PALLD: variants seen among roughly 807,000 people sequenced by gnomAD.
PALLD encodes the protein palladin, cytoskeletal associated protein.
Under a neutral mutation model 123.5 loss-of-function variants are expected in PALLD, and 61 were observed. That is an observed-to-expected ratio of 0.49 (90% CI 0.40 to 0.61). The LOEUF is 0.61. Among genes scored for constraint, PALLD ranks in the 20% least tolerant of loss-of-function variants. The pLI is 0.00. For synonymous variants in PALLD, 465 were observed against 496.4 expected (o/e 0.94, Z 0.84); for missense variants, 1,273 against 1,377.0 (o/e 0.92, Z 1.20).
intron 10 of PALLD, among the ~76,000 whole-genome samples, chr4:168,817,165 T>C (rs1742088144): frequency 6.6e-6 from 1 of 152,332 alleles, no homozygotes; most frequent in East Asian, 1.9e-4. Context: ...TCCCTTTCTG[T>C]TGGCTTTTTA....
chr4:168,831,343 G>A (rs1744171771), intron 10 of PALLD, among the ~76,000 whole-genome samples: 1 of 152,148 alleles, frequency 6.6e-6, no homozygotes, highest in Non-Finnish European at 1.5e-5. Context: ...TAGTTTATGA[G>A]CTAAGAGGAT....
intron 2 of PALLD, among the ~76,000 whole-genome samples, chr4:168,599,609 A>G (rs1449516912): frequency 2.6e-5 from 4 of 152,320 alleles, no homozygotes; most frequent in African/African-American, 9.6e-5. Context: ...GTTATTAAAA[A>G]GAGCAAGTTA....
At chr4:168,826,056 G>A (rs559309035) in intron 10 of PALLD, among the ~76,000 whole-genome samples, 35 of 152,194 alleles carry the variant, frequency 2.3e-4, no homozygotes, top group African/African-American at 5.1e-4. Context: ...CACTGATAAC[G>A]GTATTTCACC....
chr4:168,852,437 A>G (rs1747940048), intron 10 of PALLD, among the ~76,000 whole-genome samples: 1 of 152,204 alleles, frequency 6.6e-6, no homozygotes, highest in Admixed American at 6.5e-5. Context: ...AGAAAAGAAA[A>G]GAAACAAACA....
At chr4:168,618,472 G>A (rs1411824482) in intron 2 of PALLD, among the ~76,000 whole-genome samples, 1 of 152,124 alleles carries the variant, frequency 6.6e-6, no homozygotes, top group Non-Finnish European at 1.5e-5. Flanking sequence ...TTCTAGGGTT[G>A]TAAGGGCCAT....
chr4:168,590,381 C>A (rs771686791), intron 2 of PALLD, among the ~76,000 whole-genome samples: 28 of 152,190 alleles, frequency 1.8e-4, no homozygotes, highest in Non-Finnish European at 3.8e-4. Context: ...GTCTCAATAT[C>A]CGCTTATCCC....
rs1417349251 is a variant in PALLD, at chr4:168,871,350, AAT to A, written c.1965-19571_1965-19570del. 2.0e-5 allele frequency among the ~76,000 whole-genome samples: 3 copies of A among 152,288 alleles called. No individual in the cohort carries two copies. In the East Asian group the frequency reaches 5.8e-4, roughly 29 times the overall value. Reference sequence around the variant, plus strand: ...AATATCTGTCTGTCCTTTCTTCCCTAATTCTTCAAAATCTCAGAGAAATTTTA... The same window carrying A: ...AATATCTGTCTGTCCTTTCTTCCCTATCTTCAAAATCTCAGAGAAATTTTA... On this transcript the variant is annotated intron_variant, in intron 10 of 21. Transcript: ENST00000505667.
At chr4:168,563,710 G>A (rs902048338) in intron 2 of PALLD, among the ~76,000 whole-genome samples, 3 of 152,162 alleles carry the variant, frequency 2.0e-5, no homozygotes, top group African/African-American at 7.2e-5. Context: ...TTTGCTTGAT[G>A]TGATGTGAGT....
At chr4:168,605,968 CT>C (rs923232472) in intron 2 of PALLD, among the ~76,000 whole-genome samples, 1 of 151,892 alleles carries the variant, frequency 6.6e-6, no homozygotes, top group Non-Finnish European at 1.5e-5. Context: ...CTAGAAATCT[CT>C]TTTTTTCATT....
In PALLD at chr4:168,763,435, C is replaced by T. The variant is rs149669122; in HGVS notation, c.1964+51512C>T. 6.8e-4 allele frequency among the ~76,000 whole-genome samples: 104 copies of T among 152,256 alleles called. 1 individual carries two copies. The highest frequency in any genetic ancestry group is 4.7e-3 in the Admixed American group (72 of 15,294). The stretch of plus-strand genomic sequence containing the variant: ...ACCTGTGAGGAAACAGGTTCACAGC[C>T]GTTCCACAGCCCCAAGCCTCACATG... On this transcript the variant is annotated intron_variant, in intron 10 of 21. Coordinates refer to ENST00000505667, the MANE Select transcript of PALLD (RefSeq NM_001166108.2).
At chr4:168,535,154 C>A (rs1764979383) in intron 2 of PALLD, among the ~76,000 whole-genome samples, 2 of 152,148 alleles carry the variant, frequency 1.3e-5, no homozygotes, top group South Asian at 4.1e-4. Flanking sequence ...ATATTAGGAA[C>A]TTGAGCATCT....
intron 2 of PALLD, among the ~76,000 whole-genome samples, chr4:168,604,858 C>T (rs1773014967): frequency 6.6e-6 from 1 of 152,144 alleles, no homozygotes; most frequent in African/African-American, 2.4e-5. Context: ...AAACAAAGTT[C>T]TCAACTGATA....
intron 6 of PALLD, among the ~76,000 whole-genome samples, chr4:168,690,090 C>G (rs1312241178): frequency 1.3e-5 from 2 of 151,894 alleles, no homozygotes; most frequent in Non-Finnish European, 2.9e-5. Flanking sequence ...ATGTAGAAAC[C>G]CCTTAGCTTA....
intron 10 of PALLD, among the ~76,000 whole-genome samples, chr4:168,859,682 T>TG (rs913078363): frequency 6.6e-6 from 1 of 152,270 alleles, no homozygotes; most frequent in East Asian, 1.9e-4. Flanking sequence ...GTAGAGCATC[T>TG]GGCGAACCTC....
chr4:168,635,108 A>G (rs766549157), intron 2 of PALLD, among the ~76,000 whole-genome samples: 2 of 152,212 alleles, frequency 1.3e-5, no homozygotes, highest in Non-Finnish European at 2.9e-5. Context: ...ATCAGTTATG[A>G]AAGAGACAAG....
intron 10 of PALLD, among the ~76,000 whole-genome samples, chr4:168,735,107 T>C (rs1184860273): frequency 6.6e-6 from 1 of 152,212 alleles, no homozygotes; most frequent in East Asian, 1.9e-4. Flanking sequence ...GAAGAGCTCT[T>C]GCAATATAAT....
chr4:168,813,929 C>G (rs562379161), intron 10 of PALLD, among the ~76,000 whole-genome samples: 5 of 152,086 alleles, frequency 3.3e-5, no homozygotes, highest in Non-Finnish European at 2.9e-5. Context: ...ATTATGGAAC[C>G]TCACAGCATC....
Position 168,815,246 on chromosome 4 carries a change from G to A in PALLD, c.1965-75676G>A, listed in dbSNP as rs538851864. Reference sequence around the variant, plus strand: ...CATACACTAGCATCATTTTCTTTTAGCAGAATTGCTTGGTGCTCCTGTAAT... The same window carrying A: ...CATACACTAGCATCATTTTCTTTTAACAGAATTGCTTGGTGCTCCTGTAAT... On this transcript the variant is annotated intron_variant, in intron 10 of 21. Coordinates refer to ENST00000505667, the MANE Select transcript of PALLD (RefSeq NM_001166108.2). Among the ~76,000 whole-genome samples the A allele has an allele frequency of 5.5e-4, 83 of 152,282 alleles. 1 individual carries two copies. Among genetic ancestry groups the A allele is most frequent in the Admixed American group, 9.8e-4 (15 of 15,298 alleles).
chr4:168,913,020 G>A (rs1759315200), intron 15 of PALLD, among the ~76,000 whole-genome samples: 1 of 152,006 alleles, frequency 6.6e-6, no homozygotes, highest in Non-Finnish European at 1.5e-5. Flanking sequence ...CATTTCATGA[G>A]AACATGGCTT....
Sources: gnomAD v4.1 joint callset for allele counts (sites outside exome capture counted in the v4.1 genomes callset) on GRCh38, gnomAD v4.1.1 for gene constraint, MANE v1.5 for transcripts, NCBI Gene and HGNC (gene_info 2026-07-23, HGNC 2026-07-21) for gene names.